MIR2052HG: variants seen among roughly 807,000 people sequenced by gnomAD.
MIR2052HG encodes MIR2052 host gene.
At chr8:74,674,136 TTGTGTGTGTG>T (rs60255659) in intron 2 of MIR2052HG, among the ~76,000 whole-genome samples, 7 of 145,430 alleles carry the variant, frequency 4.8e-5, no homozygotes, top group South Asian at 2.2e-4. Flanking sequence ...CCAGAGGTTT[TTGTGTGTGTG>T]TGTGTGTGTG....
chr8:74,604,278 T>G, intron 1 of MIR2052HG: 1 of 788,814 alleles, frequency 1.3e-6, no homozygotes. Context: ...GGACTTTGAG[T>G]GGTCAAGTCT....
chr8:74,748,744 C>T (rs1468080475), intron 4 of MIR2052HG, among the ~76,000 whole-genome samples: 1 of 152,130 alleles, frequency 6.6e-6, no homozygotes, highest in African/African-American at 2.4e-5. Flanking sequence ...CTCCCAATTT[C>T]AGGGATAAAG....
chr8:74,729,392 TAAC>T (rs1323362676), intron 4 of MIR2052HG, among the ~76,000 whole-genome samples: 6 of 152,156 alleles, frequency 3.9e-5, no homozygotes, highest in African/African-American at 1.4e-4. Context: ...TATGTAACAT[TAAC>T]AATAAATACA....
At chr8:74,652,102 CAT>C (rs1234364401) in intron 2 of MIR2052HG, among the ~76,000 whole-genome samples, 2 of 152,194 alleles carry the variant, frequency 1.3e-5, no homozygotes, top group African/African-American at 2.4e-5. Context: ...GTTATATCAA[CAT>C]AGGCTATAGC....
chr8:74,643,141 C>A (rs1808657119), intron 2 of MIR2052HG, among the ~76,000 whole-genome samples: 1 of 152,180 alleles, frequency 6.6e-6, no homozygotes, highest in South Asian at 2.1e-4. Flanking sequence ...CAAAAAGAAT[C>A]CACAGGTAGG....
At chr8:74,604,583 CTTTTTTTTTT>C (rs35641908) in intron 1 of MIR2052HG, among the ~76,000 whole-genome samples, 2 of 50,008 alleles carry the variant, frequency 4.0e-5, no homozygotes, top group Non-Finnish European at 7.1e-5. Flanking sequence ...TGTTTCTTTA[CTTTTTTTTTT>C]TTTTTTTTTT....
intron 5 of MIR2052HG, chr8:74,757,601 G>A (rs1288118097): frequency 1.3e-5 from 2 of 152,202 alleles, no homozygotes; most frequent in African/African-American, 2.4e-5. Context: ...GAGATTTGGG[G>A]AAGTTAAATC....
chr8:74,757,476 G>A (rs1453942796), intron 5 of MIR2052HG: 2 of 152,170 alleles, frequency 1.3e-5, no homozygotes, highest in African/African-American at 2.4e-5. Flanking sequence ...GTTAATGATG[G>A]TAATAATGAT....
At chr8:74,636,465 GAAA>G (rs1451405096) in intron 2 of MIR2052HG, among the ~76,000 whole-genome samples, 1 of 152,104 alleles carries the variant, frequency 6.6e-6, no homozygotes, top group African/African-American at 2.4e-5. Context: ...ATGCAGGAAT[GAAA>G]ACAAATATTT....
At chr8:74,664,521 T>C (rs1808900603) in intron 2 of MIR2052HG, among the ~76,000 whole-genome samples, 1 of 152,166 alleles carries the variant, frequency 6.6e-6, no homozygotes, top group Non-Finnish European at 1.5e-5. Context: ...TTTCCTTTTT[T>C]ATTTTTATTT....
chr8:74,600,277 CT>C (rs781650557), intron 1 of MIR2052HG, among the ~76,000 whole-genome samples: 100 of 144,844 alleles, frequency 6.9e-4, no homozygotes, highest in Admixed American at 8.3e-4. Flanking sequence ...TATTTCTTTT[CT>C]TTTTTTTTTT....
intron 4 of MIR2052HG, among the ~76,000 whole-genome samples, chr8:74,722,158 C>T (rs1586923510): frequency 6.6e-6 from 1 of 152,122 alleles, no homozygotes; most frequent in African/African-American, 2.4e-5. Flanking sequence ...GCCTGGGCAA[C>T]AGACAGAGTA....
intron 2 of MIR2052HG, among the ~76,000 whole-genome samples, chr8:74,639,386 T>C (rs1808614822): frequency 6.6e-6 from 1 of 152,228 alleles, no homozygotes; most frequent in Non-Finnish European, 1.5e-5. Context: ...TGTAACAGGC[T>C]ACCTTTCCTT....
intron 2 of MIR2052HG, among the ~76,000 whole-genome samples, chr8:74,671,840 A>G (rs375896299): frequency 2.2e-4 from 34 of 152,180 alleles, no homozygotes; most frequent in South Asian, 1.2e-3. Context: ...CAAAGATTCA[A>G]TCTCCATTAA....
At chr8:74,735,932 A>G (rs1226546466) in intron 4 of MIR2052HG, among the ~76,000 whole-genome samples, 1 of 152,200 alleles carries the variant, frequency 6.6e-6, no homozygotes, top group African/African-American at 2.4e-5. Context: ...TTTAGATACA[A>G]AGTTAACTTC....
chr8:74,753,269 G>C (rs1454123245), intron 5 of MIR2052HG, among the ~76,000 whole-genome samples: 1 of 152,210 alleles, frequency 6.6e-6, no homozygotes, highest in South Asian at 2.1e-4. Flanking sequence ...TTTGAGTGTA[G>C]ATGTGGGCTG....
chr8:74,665,656 C>T (rs552512375), intron 2 of MIR2052HG, among the ~76,000 whole-genome samples: 1 of 152,244 alleles, frequency 6.6e-6, no homozygotes, highest in Admixed American at 6.5e-5. Context: ...ATTTTGACCA[C>T]ATTTATGATT....
At chr8:74,753,738 C>A (rs1809972236) in intron 5 of MIR2052HG, among the ~76,000 whole-genome samples, 1 of 152,076 alleles carries the variant, frequency 6.6e-6, no homozygotes, top group Non-Finnish European at 1.5e-5. Context: ...TCTCCCATGC[C>A]CCTTCACTTT....
intron 4 of MIR2052HG, among the ~76,000 whole-genome samples, chr8:74,740,276 C>T (rs574928873): frequency 3.3e-5 from 5 of 152,054 alleles, no homozygotes; most frequent in African/African-American, 7.2e-5. Flanking sequence ...CCAGCCTGGC[C>T]AACATGGCAA....
Sources: allele counts gnomAD v4.1 joint callset (sites outside exome capture counted in the v4.1 genomes callset), GRCh38; gene constraint gnomAD v4.1.1; transcripts MANE v1.5; gene names NCBI Gene and HGNC (gene_info 2026-07-23, HGNC 2026-07-21).